Variants in ASTN2 observed in about 807,000 individuals in gnomAD.
ASTN2 encodes astrotactin-2.
ASTN2 carries 54 observed loss-of-function variants against 139.8 expected under a neutral mutation model. The ratio of observed to expected loss-of-function variants is 0.39; its 90% CI spans 0.31 to 0.48. ASTN2 has a LOEUF of 0.48. Among genes scored for constraint, ASTN2 ranks in the 20% least tolerant of loss-of-function variants. The pLI is 0.95. For synonymous variants in ASTN2, 756 were observed against 719.5 expected (o/e 1.05, Z -0.81); for missense variants, 1,565 against 1,725.1 (o/e 0.91, Z 1.64).
At chr9:116,544,520 G>A (rs1156984959) in intron 19 of ASTN2, among the ~76,000 whole-genome samples, 3 of 152,192 alleles carry the variant, frequency 2.0e-5, no homozygotes, top group African/African-American at 4.8e-5. Context: ...AGAAAAAGAG[G>A]AAAGGATGAT....
At chr9:117,263,502 C>T (rs1041428079) in intron 2 of ASTN2, among the ~76,000 whole-genome samples, 4 of 152,090 alleles carry the variant, frequency 2.6e-5, no homozygotes, top group Non-Finnish European at 4.4e-5. Context: ...GATACTTTTG[C>T]TATTATTTCT....
intron 20 of ASTN2, among the ~76,000 whole-genome samples, chr9:116,478,975 G>C (rs1044010586): frequency 1.8e-5 from 2 of 109,494 alleles, no homozygotes; most frequent in African/African-American, 3.7e-5. Context: ...CTGGGCGACA[G>C]AAGGAGACTG....
intron 19 of ASTN2, among the ~76,000 whole-genome samples, chr9:116,578,352 T>A (rs1363974953): frequency 6.6e-6 from 1 of 152,182 alleles, no homozygotes. Context: ...GGATCCTTTC[T>A]GGAACTACTC....
intron 2 of ASTN2, among the ~76,000 whole-genome samples, chr9:117,254,024 G>A (rs779971054): frequency 2.0e-5 from 3 of 152,152 alleles, no homozygotes; most frequent in Non-Finnish European, 4.4e-5. Flanking sequence ...GGAGAGCTTG[G>A]AACTCTGGAG....
At chr9:117,227,590 A>G (rs1832755477) in intron 2 of ASTN2, among the ~76,000 whole-genome samples, 1 of 152,222 alleles carries the variant, frequency 6.6e-6, no homozygotes, top group African/African-American at 2.4e-5. Context: ...GATATGAATT[A>G]TTTATTAGCC....
At chr9:116,919,640 ATTTTT>A (rs72054196) in intron 10 of ASTN2, among the ~76,000 whole-genome samples, 5 of 113,568 alleles carry the variant, frequency 4.4e-5, no homozygotes, top group African/African-American at 1.8e-4. Context: ...CAAAAACATC[ATTTTT>A]TTTTTTTTTT....
intron 5 of ASTN2, among the ~76,000 whole-genome samples, chr9:117,054,714 CAGA>C (rs1839008490): frequency 6.6e-6 from 1 of 152,094 alleles, no homozygotes; most frequent in Non-Finnish European, 1.5e-5. Flanking sequence ...GCAGTGTGGG[CAGA>C]AGAAGCCAGA....
At chr9:117,208,984 C>G (rs1217138051) in intron 3 of ASTN2, among the ~76,000 whole-genome samples, 1 of 152,106 alleles carries the variant, frequency 6.6e-6, no homozygotes, top group Non-Finnish European at 1.5e-5. Flanking sequence ...TGAAGTCTTA[C>G]AACTGGAAGT....
At chr9:116,508,129 G>A (rs564357955) in intron 19 of ASTN2, among the ~76,000 whole-genome samples, 1 of 152,282 alleles carries the variant, frequency 6.6e-6, no homozygotes, top group East Asian at 1.9e-4. Context: ...AACCTCAGGT[G>A]ATCCACCCGC....
chr9:117,107,224 A>C (rs964560209), intron 4 of ASTN2, among the ~76,000 whole-genome samples: 2 of 152,088 alleles, frequency 1.3e-5, no homozygotes, highest in African/African-American at 4.8e-5. Flanking sequence ...TTATTGTTTA[A>C]ATTTTACATT....
At chr9:117,354,107 G>A (rs2130884820) in intron 1 of ASTN2, among the ~76,000 whole-genome samples, 1 of 152,258 alleles carries the variant, frequency 6.6e-6, no homozygotes, top group Non-Finnish European at 1.5e-5. Flanking sequence ...GTGGGAAGAT[G>A]TATTGATACT....
intron 19 of ASTN2, among the ~76,000 whole-genome samples, chr9:116,586,837 C>CACACAT (rs1554717135): frequency 6.8e-4 from 101 of 149,320 alleles, no homozygotes; most frequent in African/African-American, 1.3e-3. Flanking sequence ...TACATACACA[C>CACACAT]ACACACACAC....
At chr9:117,344,219 A>G (rs1356942203) in intron 1 of ASTN2, among the ~76,000 whole-genome samples, 1 of 152,148 alleles carries the variant, frequency 6.6e-6, no homozygotes, top group Non-Finnish European at 1.5e-5. Context: ...CAGCATTAAC[A>G]GGAGAATATT....
chr9:117,235,031 C>T (rs896391600), intron 2 of ASTN2, among the ~76,000 whole-genome samples: 3 of 152,172 alleles, frequency 2.0e-5, no homozygotes, highest in African/African-American at 4.8e-5. Flanking sequence ...GTCAGGAGTT[C>T]GAGACCAGCC....
At chr9:117,331,643 G>A (rs1307682807) in intron 1 of ASTN2, among the ~76,000 whole-genome samples, 1 of 152,184 alleles carries the variant, frequency 6.6e-6, no homozygotes, top group Non-Finnish European at 1.5e-5. Context: ...ATGGCCTATG[G>A]TGGGTGCTCT....
intron 2 of ASTN2, among the ~76,000 whole-genome samples, chr9:117,267,786 A>T (rs80027413): frequency 1.4e-3 from 208 of 152,162 alleles, no homozygotes; most frequent in African/African-American, 4.8e-3. Flanking sequence ...CAGTTTCATG[A>T]TGTTTCATGA....
intron 16 of ASTN2, among the ~76,000 whole-genome samples, chr9:116,712,553 T>TAGCATCAGCTGG (rs879570613): frequency 1.3e-5 from 2 of 152,166 alleles, no homozygotes; most frequent in Admixed American, 6.5e-5. Flanking sequence ...GGGTCACAAT[T>TAGCATCAGCTGG]AGCATCAGCT....
chr9:117,117,963 A>T (rs982499778), intron 4 of ASTN2, among the ~76,000 whole-genome samples: 5 of 151,980 alleles, frequency 3.3e-5, no homozygotes, highest in Admixed American at 2.0e-4. Context: ...CCTTTTGAAA[A>T]TCACCGTTAT....
intron 13 of ASTN2, among the ~76,000 whole-genome samples, chr9:116,767,787 A>T (rs540541335): frequency 6.6e-6 from 1 of 152,198 alleles, no homozygotes; most frequent in Non-Finnish European, 1.5e-5. Context: ...CTTAACAATG[A>T]TGGGGAACAG....
Sources: allele counts gnomAD v4.1 joint callset (sites outside exome capture counted in the v4.1 genomes callset), GRCh38; gene constraint gnomAD v4.1.1; transcripts MANE v1.5; gene names NCBI Gene and HGNC (gene_info 2026-07-23, HGNC 2026-07-21).